Variants in LRRTM4 observed in about 807,000 individuals in gnomAD.
The protein encoded by LRRTM4 is leucine rich repeat transmembrane neuronal 4, also known as leucine-rich repeat transmembrane neuronal protein 4.
In LRRTM4, 25 loss-of-function variants were observed where a neutral mutation model predicts 47.6. The observed-to-expected ratio is 0.53, with a 90% CI of 0.38 to 0.73. LRRTM4 has a LOEUF of 0.73. Ranked by LOEUF, LRRTM4 falls within the 30% of genes least tolerant of loss-of-function variation. The probability of loss-of-function intolerance (pLI) is 0.00; values close to 1 mark genes in which losing one functional copy is unlikely to be tolerated. For synonymous variants in LRRTM4, 311 were observed against 269.5 expected, an observed-to-expected ratio of 1.15 and a Z score of -1.51; for missense variants, 638 against 713.4, an observed-to-expected ratio of 0.89 and a Z score of 1.20.
chr2:77,161,614 C>A (rs985671471), intron 3 of LRRTM4, among the ~76,000 whole-genome samples: 3 of 151,898 alleles, frequency 2.0e-5, no homozygotes, highest in African/African-American at 7.3e-5. Flanking sequence ...CAAATTGTTG[C>A]CAATCTCCAA....
intron 3 of LRRTM4, among the ~76,000 whole-genome samples, chr2:76,837,962 G>C (rs909209063): frequency 3.3e-5 from 5 of 151,846 alleles, no homozygotes; most frequent in African/African-American, 1.2e-4. Context: ...GGGAGGGATA[G>C]CATTAGGAGA....
intron 3 of LRRTM4, among the ~76,000 whole-genome samples, chr2:76,826,519 T>C (rs1266432619): frequency 7.8e-6 from 1 of 127,976 alleles, no homozygotes; most frequent in Non-Finnish European, 1.6e-5. Flanking sequence ...CTTTGAAATA[T>C]AAATTGCTAC....
At chr2:76,903,830 A>T (rs1227325921) in intron 3 of LRRTM4, among the ~76,000 whole-genome samples, 2 of 152,350 alleles carry the variant, frequency 1.3e-5, no homozygotes, top group South Asian at 4.1e-4. Context: ...TGGCATCGAG[A>T]AAAGGTGGTA....
At chr2:76,908,208 T>C (rs527856830) in intron 3 of LRRTM4, among the ~76,000 whole-genome samples, 1,660 of 151,338 alleles carry the variant, frequency 0.011, 35 homozygotes, top group African/African-American at 0.038. Flanking sequence ...TCAATAAATG[T>C]AATCCAGCAT....
At chr2:76,780,491 C>T (rs186448340) in intron 3 of LRRTM4, among the ~76,000 whole-genome samples, 38 of 152,226 alleles carry the variant, frequency 2.5e-4, no homozygotes, top group Admixed American at 1.7e-3. Flanking sequence ...AACCCCTTCT[C>T]GCTTCATTTC....
intron 3 of LRRTM4, among the ~76,000 whole-genome samples, chr2:77,275,187 TTC>T (rs1448147696): frequency 6.6e-6 from 1 of 152,146 alleles, no homozygotes; most frequent in Non-Finnish European, 1.5e-5. Flanking sequence ...TCCATAGCAT[TTC>T]TCTGTCCCAC....
intron 3 of LRRTM4, among the ~76,000 whole-genome samples, chr2:77,422,699 A>G (rs778484805): frequency 5.9e-5 from 9 of 152,148 alleles, no homozygotes; most frequent in Non-Finnish European, 1.3e-4. Context: ...TTTAGTGTTT[A>G]TTTTTTTAAA....
chr2:76,811,124 T>A (rs534925396), intron 3 of LRRTM4, among the ~76,000 whole-genome samples: 1 of 152,296 alleles, frequency 6.6e-6, no homozygotes, highest in African/African-American at 2.4e-5. Flanking sequence ...CCTTACCTTT[T>A]ACCAGCCATG....
In LRRTM4 at chr2:77,416,951, C is replaced by T. The variant is rs188497595; in HGVS notation, c.1551+101367G>A. Among the ~76,000 whole-genome samples, 69 of 152,150 alleles carry T rather than the reference C, an allele frequency of 4.5e-4. 2 individuals carry two copies. The highest frequency in any genetic ancestry group is 4.5e-3 in the Admixed American group (69 of 15,278). On this transcript the variant is annotated intron_variant, in intron 3 of 3. Transcript: ENST00000409884. ...CAAAAGAAACTACCATCAGAGAGAA[C>T]AGGCAAGCTACAGAATGGGGGAAAA...
At chr2:77,199,289 C>T (rs1036693304) in intron 3 of LRRTM4, among the ~76,000 whole-genome samples, 1 of 152,084 alleles carries the variant, frequency 6.6e-6, no homozygotes, top group Admixed American at 6.6e-5. Flanking sequence ...GCCCAAACCA[C>T]CCTAAACTCA....
At chr2:77,348,366 C>T (rs1246144100) in intron 3 of LRRTM4, among the ~76,000 whole-genome samples, 3 of 150,982 alleles carry the variant, frequency 2.0e-5, no homozygotes, top group East Asian at 1.9e-4. Flanking sequence ...TTATTTTATA[C>T]CCTGTATCGT....
intron 3 of LRRTM4, among the ~76,000 whole-genome samples, chr2:76,869,752 T>G (rs1051339805): frequency 3.3e-5 from 5 of 152,062 alleles, no homozygotes; most frequent in African/African-American, 1.2e-4. Context: ...TATTATAAGA[T>G]TTTAAGGGAA....
chr2:77,205,068 A>C (rs1044476760), intron 3 of LRRTM4, among the ~76,000 whole-genome samples: 2 of 152,228 alleles, frequency 1.3e-5, no homozygotes, highest in African/African-American at 2.4e-5. Context: ...GTGATTACTT[A>C]TCCGTTGGAA....
intron 3 of LRRTM4, among the ~76,000 whole-genome samples, chr2:77,508,820 T>C (rs1368682190): frequency 6.6e-6 from 1 of 152,106 alleles, no homozygotes; most frequent in Non-Finnish European, 1.5e-5. Context: ...AGTAGAGCAA[T>C]ATCAATTCTT....
In LRRTM4 at chr2:77,135,849, A is replaced by T. The variant is rs572502604; in HGVS notation, c.1551+382469T>A. 9.8e-5 allele frequency among the ~76,000 whole-genome samples: 15 copies of T among 152,312 alleles called. No homozygotes were observed. In the East Asian group the frequency reaches 2.9e-3, roughly 29 times the overall value. On this transcript the variant is annotated intron_variant, in intron 3 of 3. Transcript: ENST00000409884. Reference sequence around the variant, plus strand: ...TAGCAATTCAATGTAAGAAGAATGTAATAAGTAAAATGAATAAATAAATAA... The same window carrying T: ...TAGCAATTCAATGTAAGAAGAATGTTATAAGTAAAATGAATAAATAAATAA...
chr2:77,089,030 G>C (rs1249986615), intron 3 of LRRTM4, among the ~76,000 whole-genome samples: 1 of 152,026 alleles, frequency 6.6e-6, no homozygotes, highest in Admixed American at 6.5e-5. Flanking sequence ...CCTTCCCTTG[G>C]TGTTTAATCA....
chr2:76,804,598 CTATGCATACTATACA>C (rs1012636330), intron 3 of LRRTM4, among the ~76,000 whole-genome samples: 3 of 149,088 alleles, frequency 2.0e-5, no homozygotes, highest in African/African-American at 7.3e-5. Context: ...GTACAAGATA[CTATGCATACTATACA>C]TATGCATAGT....
chr2:77,216,387 C>T (rs1217421580), intron 3 of LRRTM4, among the ~76,000 whole-genome samples: 1 of 152,074 alleles, frequency 6.6e-6, no homozygotes, highest in Non-Finnish European at 1.5e-5. Flanking sequence ...AGTATTTGGG[C>T]CGGGCGCGGT....
chr2:77,362,146 A>AAAGAAAGAAAGAAAGG (rs1672253340), intron 3 of LRRTM4, among the ~76,000 whole-genome samples: 3 of 137,288 alleles, frequency 2.2e-5, no homozygotes, highest in African/African-American at 1.0e-4. Flanking sequence ...AGAAAGAAAG[A>AAAGAAAGAAAGAAAGG]AAGAAAGAAA....
Sources: gnomAD v4.1 joint callset for allele counts (sites outside exome capture counted in the v4.1 genomes callset) on GRCh38, gnomAD v4.1.1 for gene constraint, MANE v1.5 for transcripts, NCBI Gene and HGNC (gene_info 2026-07-23, HGNC 2026-07-21) for gene names.